Variants in PNPLA4 observed in about 807,000 individuals in gnomAD.
PNPLA4 encodes the protein patatin like domain 4, phospholipase and triacylglycerol lipase, also known as patatin-like phospholipase domain-containing protein 4.
A neutral mutation model predicts 18.3 loss-of-function variants in PNPLA4; 15 were observed. The ratio of observed to expected loss-of-function variants is 0.82; its 90% CI spans 0.55 to 1.26. PNPLA4 has a LOEUF of 1.26. PNPLA4 is among the 50% of genes most tolerant of loss of function. PNPLA4 has a pLI of 0.00. For missense variants in PNPLA4, 229 were observed against 196.8 expected, an observed-to-expected ratio of 1.16 and a Z score of -0.98; for synonymous variants, 88 against 85.6, an observed-to-expected ratio of 1.03 and a Z score of -0.16.
chrX:7,912,788 T>C (rs986790978), intron 4 of PNPLA4, among the ~76,000 whole-genome samples: 2 of 112,381 alleles, frequency 1.8e-5, no homozygotes, highest in Non-Finnish European at 1.9e-5. Context: ...TTTGAAAACA[T>C]ACAGCATTAG....
chrX:7,907,160 G>A (rs1923730576), intron 5 of PNPLA4, among the ~76,000 whole-genome samples: 3 of 111,066 alleles, frequency 2.7e-5, no homozygotes, highest in Non-Finnish European at 5.7e-5. Context: ...TGGAATTACA[G>A]GCATGCGCCA....
In PNPLA4 at chrX:7,898,611, C is replaced by T. The variant is rs1228452286; in HGVS notation, c.*2075G>A. 9.0e-6 allele frequency: 1 copy of T among 111,447 alleles called. No homozygotes were observed. The highest frequency in any genetic ancestry group is 3.3e-5 in the African/African-American group (1 of 30,588). The allele number at this position is 111,447 out of a possible 1,213,427, so 9.2% of individuals were successfully genotyped here. A position where few individuals can be genotyped will look rare whatever the true frequency, so the allele number is the denominator to read the frequency against. ...GTGTTTCATTACACCGCTGTATTCCCCTCATGTAGGAAAGTTGCTGCAGAC... is the reference window on the plus strand; with the variant it reads ...GTGTTTCATTACACCGCTGTATTCCTCTCATGTAGGAAAGTTGCTGCAGAC... On this transcript the variant is annotated 3_prime_UTR_variant, in exon 7 of 7. Transcript: ENST00000381042.
rs746490058 is a variant in PNPLA4, at chrX:7,924,930, T to C, written c.180+1010A>G. Among the ~76,000 whole-genome samples the C allele has an allele frequency of 8.0e-5, 9 of 112,208 alleles. No homozygotes were observed. In the East Asian group the frequency reaches 2.0e-3, roughly 24 times the overall value. On this transcript the variant is annotated intron_variant, in intron 2 of 6. Coordinates refer to ENST00000381042, the MANE Select transcript of PNPLA4 (RefSeq NM_004650.3). ...CTGCTTCAAAAACGAAACACAGTTA[T>C]GGGAAGGAGGTAGCTTGTAATTCAA...
At chrX:7,913,358 C>T (rs759625904) in intron 4 of PNPLA4, among the ~76,000 whole-genome samples, 3 of 112,023 alleles carry the variant, frequency 2.7e-5, no homozygotes, top group Non-Finnish European at 5.6e-5. Context: ...CCCAACACTC[C>T]TCCACCTACC....
At chrX:7,918,714 C>G (rs1016687673) in intron 4 of PNPLA4, among the ~76,000 whole-genome samples, 4 of 111,318 alleles carry the variant, frequency 3.6e-5, no homozygotes, top group East Asian at 2.8e-4. Flanking sequence ...CCAAAAAGGT[C>G]GGAAGCACCA....
chrX:7,909,298 G>A (rs1923801096), intron 5 of PNPLA4, among the ~76,000 whole-genome samples: 1 of 111,879 alleles, frequency 8.9e-6, no homozygotes, highest in Admixed American at 9.4e-5. Flanking sequence ...GGTGGCTCAC[G>A]CCTGTAATCC....
In PNPLA4 at chrX:7,926,062, C is replaced by G. The variant is rs781063965; in HGVS notation, c.58G>C (p.Gly20Arg). ...TGTCTGCAAAGTGCAGATGCTGCCC[C>G]CAAGTGGTAAATGCCCAGAAATCCA... ...ACGFLGIYHLGAASALCRHGK... is the reference protein window; with the variant it reads ...ACGFLGIYHLRAASALCRHGK... Residue 20 changes from glycine (G) to arginine (R), a missense_variant, in exon 2 of 7, where the codon GGG becomes CGG. Coordinates refer to ENST00000381042, the MANE Select transcript of PNPLA4 (RefSeq NM_004650.3). 1 of 1,210,959 alleles carries G rather than the reference C, an allele frequency of 8.3e-7. No homozygotes were observed. Among genetic ancestry groups the G allele is most frequent in the Admixed American group, 2.2e-5 (1 of 46,077 alleles).
intron 2 of PNPLA4, among the ~76,000 whole-genome samples, chrX:7,922,765 T>G (rs1027377396): frequency 1.8e-5 from 2 of 111,475 alleles, no homozygotes; most frequent in Non-Finnish European, 3.8e-5. Flanking sequence ...TAAAAATGAG[T>G]CTCAGAGCCA....
chrX:7,909,969 G>A (rs1423587900), intron 5 of PNPLA4, among the ~76,000 whole-genome samples: 1 of 111,693 alleles, frequency 9.0e-6, no homozygotes. Context: ...AGAGAACCTG[G>A]AGCCTCTACC....
At chrX:7,908,180 A>G (rs1457331380) in intron 5 of PNPLA4, among the ~76,000 whole-genome samples, 1 of 111,793 alleles carries the variant, frequency 8.9e-6, no homozygotes, top group African/African-American at 3.3e-5. Flanking sequence ...GTATTTAACA[A>G]AAGTCACAAG....
chrX:7,902,298 T>C (rs1189524582), intron 5 of PNPLA4, among the ~76,000 whole-genome samples, 157 bp from the exon 6 acceptor site: 1 of 112,069 alleles, frequency 8.9e-6, no homozygotes, highest in Non-Finnish European at 1.9e-5. Context: ...AAAACAAATC[T>C]TGGTACACAT....
At chrX:7,919,936 T>A (rs908740529) in intron 4 of PNPLA4, among the ~76,000 whole-genome samples, 12 of 111,572 alleles carry the variant, frequency 1.1e-4, no homozygotes, top group Admixed American at 1.9e-4. Flanking sequence ...TTGGTTCATA[T>A]CCATTCGTTT....
chrX:7,918,785 T>C (rs1924124434), intron 4 of PNPLA4, among the ~76,000 whole-genome samples: 1 of 111,528 alleles, frequency 9.0e-6, no homozygotes, highest in Non-Finnish European at 1.9e-5. Context: ...CACCGGAACA[T>C]ATATACTTGA....
rs1411976388 is a variant in PNPLA4, at chrX:7,899,278, A to G, written c.*1408T>C. The G allele has an allele frequency of 2.7e-5, 3 of 111,501 alleles. No individual in the cohort carries two copies. The Admixed American group carries it at 2.9e-4, about 11-fold the overall frequency. 9.2% of individuals were successfully genotyped at this position (111,501 alleles called of 1,213,427 possible). A position where few individuals can be genotyped will look rare whatever the true frequency, so the allele number is the denominator to read the frequency against. On this transcript the variant is annotated 3_prime_UTR_variant, in exon 7 of 7. Coordinates refer to ENST00000381042, the MANE Select transcript of PNPLA4 (RefSeq NM_004650.3). ...AGAGTAAAAGAAGAAATGCGTGACA[A>G]TTGAAGACATGGAATTAAATTGGTT...
At chrX:7,915,311 G>C (rs967902088) in intron 4 of PNPLA4, among the ~76,000 whole-genome samples, 16 of 82,536 alleles carry the variant, frequency 1.9e-4, no homozygotes, top group Admixed American at 1.1e-3. Context: ...GGAGGGTGGG[G>C]GGGGGGGTGT....
intron 6 of PNPLA4, among the ~76,000 whole-genome samples, chrX:7,901,140 A>G (rs907097476): frequency 2.6e-4 from 29 of 112,186 alleles, no homozygotes; most frequent in African/African-American, 9.4e-4. Context: ...TGTCTAGTAC[A>G]ATATCATCCC....
Position 7,921,790 on chromosome X carries a change from G to A in PNPLA4, c.334C>T (p.His112Tyr). ...GTTTTGGCGTTGGTGATGGATACGTGCAGTCGGTTCTGGGCCAGCTCGTGA... is the reference window on the plus strand; with the variant it reads ...GTTTTGGCGTTGGTGATGGATACGTACAGTCGGTTCTGGGCCAGCTCGTGA... ...SAHELAQNRL[H>Y]VSITNAKTRE... The change falls in exon 4 of 7, where the codon CAC becomes TAC. Residue 112 changes from histidine to tyrosine, a missense_variant. Physicochemically the swap from His to Tyr is moderately conservative, Grantham distance 83. Transcript: ENST00000381042. 8.3e-7 allele frequency: 1 copy of A among 1,207,532 alleles called. No homozygotes were observed. Among genetic ancestry groups the A allele is most frequent in the Non-Finnish European group, 1.1e-6 (1 of 891,760 alleles).
intron 4 of PNPLA4, among the ~76,000 whole-genome samples, chrX:7,916,391 G>A (rs772497425): frequency 9.0e-6 from 1 of 111,354 alleles, no homozygotes; most frequent in South Asian, 3.9e-4. Context: ...ACACTCGGGG[G>A]ATACTGTGTA....
At chrX:7,901,172 G>C (rs1305917959) in intron 6 of PNPLA4, among the ~76,000 whole-genome samples, 1 of 112,170 alleles carries the variant, frequency 8.9e-6, no homozygotes, top group Non-Finnish European at 1.9e-5. Flanking sequence ...TATTAGACTA[G>C]ATTAAGGGAA....
Sources: gnomAD v4.1 joint callset for allele counts (sites outside exome capture counted in the v4.1 genomes callset) on GRCh38, gnomAD v4.1.1 for gene constraint, MANE v1.5 for transcripts, NCBI Gene and HGNC (gene_info 2026-07-23, HGNC 2026-07-21) for gene names.